The following PTPRD variants were observed in gnomAD, a reference collection of about 807,000 sequenced individuals.
PTPRD encodes protein tyrosine phosphatase receptor type D, also known as receptor-type tyrosine-protein phosphatase delta.
A neutral mutation model predicts 214.5 loss-of-function variants in PTPRD; 34 were observed. The ratio of observed to expected loss-of-function variants is 0.16; its 90% confidence interval spans 0.12 to 0.21. The LOEUF (loss-of-function observed/expected upper bound fraction) is 0.21. PTPRD is among the 10% of genes least tolerant of loss of function. The pLI is 1.00. For synonymous variants in PTPRD, 1,128 were observed against 845.7 expected, an observed-to-expected ratio of 1.33 and a Z score of -5.79; for missense variants, 2,545 against 2,398.7, an observed-to-expected ratio of 1.06 and a Z score of -1.27.
At chr9:10,446,192 A>G (rs1036902882) in intron 2 of PTPRD, among the ~76,000 whole-genome samples, 3 of 152,068 alleles carry the variant, frequency 2.0e-5, no homozygotes, top group African/African-American at 7.2e-5. Flanking sequence ...GATAAAAATG[A>G]AGAAAGCTAA....
chr9:9,690,034 A>T (rs902302300), intron 7 of PTPRD, among the ~76,000 whole-genome samples: 1 of 151,832 alleles, frequency 6.6e-6, no homozygotes, highest in African/African-American at 2.4e-5. Context: ...GTTATATAGC[A>T]GTTCTATTTG....
At chr9:9,015,814 A>G (rs1352728261) in intron 11 of PTPRD, among the ~76,000 whole-genome samples, 1 of 152,160 alleles carries the variant, frequency 6.6e-6, no homozygotes, top group Non-Finnish European at 1.5e-5. Context: ...TATAATAATT[A>G]CCATCTTCCC....
At chr9:8,838,178 G>C (rs533600577) in intron 11 of PTPRD, among the ~76,000 whole-genome samples, 1 of 151,714 alleles carries the variant, frequency 6.6e-6, no homozygotes, top group South Asian at 2.1e-4. Flanking sequence ...AAATTAAGAA[G>C]AGCAAGCAAA....
intron 8 of PTPRD, among the ~76,000 whole-genome samples, chr9:9,520,556 A>G (rs75123505): frequency 6.6e-6 from 1 of 152,116 alleles, no homozygotes; most frequent in East Asian, 1.9e-4. Context: ...TTAACATTTT[A>G]TGCTCGTTTG....
intron 9 of PTPRD, among the ~76,000 whole-genome samples, chr9:9,322,833 G>T (rs567599691): frequency 6.6e-6 from 1 of 152,276 alleles, no homozygotes; most frequent in Non-Finnish European, 1.5e-5. Flanking sequence ...AAGCATGTAA[G>T]AGTGAGTCAT....
chr9:8,508,891 C>CTCTG (rs1554672472), intron 21 of PTPRD, among the ~76,000 whole-genome samples: 2 of 140,506 alleles, frequency 1.4e-5, no homozygotes, highest in Non-Finnish European at 3.2e-5. Context: ...GTGTGTGTGT[C>CTCTG]TGTGTGTGTG....
At position 9,288,316 on chromosome 9, in the gene PTPRD, T is replaced by C. The variant is rs897283684; in HGVS notation, c.-202-104953A>G. On this transcript the variant is annotated intron_variant, in intron 9 of 45. Coordinates refer to ENST00000381196, the MANE Select transcript of PTPRD (RefSeq NM_002839.4). ...ATTATGCTATGCTATGTATGTAAAA[T>C]ATAAAATCACTCTACCCTCCTCTAC... Among the ~76,000 whole-genome samples, 8 of 152,012 alleles carry C rather than the reference T, an allele frequency of 5.3e-5. No homozygotes were observed. The East Asian group carries it at 1.6e-3, about 30-fold the overall frequency.
chr9:9,755,339 A>C (rs1329045421), intron 6 of PTPRD, among the ~76,000 whole-genome samples: 1 of 152,024 alleles, frequency 6.6e-6, no homozygotes, highest in Non-Finnish European at 1.5e-5. Flanking sequence ...TAAGGGTAAA[A>C]ATTGGGAAAA....
At position 8,500,765 on chromosome 9, in the gene PTPRD, G is replaced by A. The variant is rs2136947633; in HGVS notation, c.2117C>T (p.Thr706Ile). 1 of 1,613,970 alleles carries A rather than the reference G, an allele frequency of 6.2e-7. No individual in the cohort carries two copies. The highest frequency in any genetic ancestry group is 8.5e-7 in the Non-Finnish European group (1 of 1,179,952). The change falls in exon 24 of 46, where the codon ACC (threonine) becomes ATC (isoleucine). Residue 706 changes from threonine (T) to isoleucine (I), a missense_variant. Transcript: ENST00000381196. ...GPESLSVLIR[T>I]NEDVPSGPPR... Reference sequence around the variant, plus strand: ...CGGAGGCAACATACCATCTTCATTGGTTCGAATCAACACGGACAAGCTCTC... The same window carrying A: ...CGGAGGCAACATACCATCTTCATTGATTCGAATCAACACGGACAAGCTCTC...
intron 7 of PTPRD, among the ~76,000 whole-genome samples, chr9:9,672,851 T>A (rs532049850): frequency 6.6e-6 from 1 of 151,948 alleles, no homozygotes; most frequent in Non-Finnish European, 1.5e-5. Context: ...ATAAAAACAG[T>A]ATAAAAGTGC....
rs149757690 is a variant in PTPRD, at chr9:8,378,204, T to C, written c.4387-1478A>G. ...TGTTTCCTAGTTGTACAAAATAGCC[T>C]TCTGTGTTTTTTATTTCTATCATTT... is the stretch of plus-strand genomic sequence containing the variant. On this transcript the variant is annotated intron_variant, in intron 37 of 45. Transcript: ENST00000381196. Among the ~76,000 whole-genome samples, 26 of 152,228 alleles carry C rather than the reference T, an allele frequency of 1.7e-4. No homozygotes were observed. In the East Asian group the frequency reaches 4.6e-3, roughly 27 times the overall value.
At chr9:8,892,533 A>ATATATATGTGTG (rs1324889722) in intron 11 of PTPRD, among the ~76,000 whole-genome samples, 5 of 150,684 alleles carry the variant, frequency 3.3e-5, no homozygotes, top group South Asian at 2.1e-4. Context: ...ATGTGTGTGT[A>ATATATATGTGTG]TATATATGTG....
At chr9:8,687,922 A>C (rs1205787102) in intron 12 of PTPRD, among the ~76,000 whole-genome samples, 1 of 152,174 alleles carries the variant, frequency 6.6e-6, no homozygotes, top group Non-Finnish European at 1.5e-5. Context: ...TATATGTATA[A>C]TGTCCCAAAT....
chr9:9,303,495 T>G (rs1300618682), intron 9 of PTPRD, among the ~76,000 whole-genome samples: 2 of 152,078 alleles, frequency 1.3e-5, no homozygotes, highest in African/African-American at 4.8e-5. Context: ...CAATAACTTT[T>G]CAGTAACTCA....
At chr9:9,749,620 C>G (rs1412204804) in intron 6 of PTPRD, among the ~76,000 whole-genome samples, 1 of 152,106 alleles carries the variant, frequency 6.6e-6, no homozygotes, top group Non-Finnish European at 1.5e-5. Context: ...ACAGAATGTA[C>G]ACACCACAGG....
At chr9:9,051,055 C>T (rs770989723) in intron 10 of PTPRD, among the ~76,000 whole-genome samples, 7 of 152,032 alleles carry the variant, frequency 4.6e-5, no homozygotes, top group Non-Finnish European at 1.0e-4. Flanking sequence ...GATAATGTAG[C>T]CTTCTGCTTC....
chr9:9,900,114 TC>T (rs2076039632), intron 5 of PTPRD, among the ~76,000 whole-genome samples: 1 of 152,184 alleles, frequency 6.6e-6, no homozygotes, highest in African/African-American at 2.4e-5. Flanking sequence ...AAGTGGTTGT[TC>T]CACAGCTGCA....
intron 8 of PTPRD, among the ~76,000 whole-genome samples, chr9:9,402,667 G>C (rs996284833): frequency 4.0e-5 from 6 of 151,810 alleles, no homozygotes; most frequent in African/African-American, 1.5e-4. Flanking sequence ...TCCAAACATA[G>C]ATTATGAAAT....
In PTPRD at chr9:8,839,300, TTTTATTTA is replaced by T. The variant is rs3046017; in HGVS notation, c.-103-105362_-103-105355del. Among the ~76,000 whole-genome samples the T allele has an allele frequency of 7.9e-3, 1,194 of 150,386 alleles. 20 individuals are homozygous for T. Among genetic ancestry groups the T allele is most frequent in the African/African-American group, 0.025 (1,028 of 41,018 alleles). ...ATAATTTTCAGATTGACCAAGGGGATTTTATTTATTTATTTATTTATTTATTTATTTAT... is the reference window on the plus strand; with the variant it reads ...ATAATTTTCAGATTGACCAAGGGGATTTTATTTATTTATTTATTTATTTAT... On this transcript the variant is annotated intron_variant, in intron 11 of 45. Coordinates refer to ENST00000381196, the MANE Select transcript of PTPRD (RefSeq NM_002839.4).
Sources: allele counts gnomAD v4.1 joint callset (sites outside exome capture counted in the v4.1 genomes callset), GRCh38; gene constraint gnomAD v4.1.1; transcripts MANE v1.5; gene names NCBI Gene and HGNC (gene_info 2026-07-23, HGNC 2026-07-21).